The following MNAT1 variants were observed in gnomAD, a reference collection of about 807,000 sequenced individuals.
The protein encoded by MNAT1 is MNAT1 component of CDK activating kinase, also known as CDK-activating kinase assembly factor MAT1.
A neutral mutation model predicts 42.0 loss-of-function variants in MNAT1; 43 were observed. The ratio of observed to expected loss-of-function variants is 1.02; its 90% CI spans 0.80 to 1.32. MNAT1 has a LOEUF of 1.32. Among genes scored for constraint, MNAT1 ranks in the 40% most tolerant of loss-of-function variants. The pLI, the probability that MNAT1 is intolerant of heterozygous loss-of-function variation, is 0.00. For synonymous variants in MNAT1, 118 were observed against 120.0 expected (o/e 0.98, Z 0.11); for missense variants, 306 against 350.4 (o/e 0.87, Z 1.01).
At chr14:60,942,003 C>CAAAAAAAAAAAA (rs3080602) in intron 7 of MNAT1, among the ~76,000 whole-genome samples, 11 of 29,940 alleles carry the variant, frequency 3.7e-4, no homozygotes, top group African/African-American at 7.5e-4. Context: ...GGCTCCATCT[C>CAAAAAAAAAAAA]AAAAAAAAAA....
chr14:60,915,624 G>A, intron 7 of MNAT1, among the ~76,000 whole-genome samples: 1 of 152,158 alleles, frequency 6.6e-6, no homozygotes, highest in Non-Finnish European at 1.5e-5. Context: ...CCCAATGTAG[G>A]TGTTACTTCC....
At chr14:60,913,092 A>T (rs2035418667) in intron 7 of MNAT1, among the ~76,000 whole-genome samples, 1 of 152,074 alleles carries the variant, frequency 6.6e-6, no homozygotes, top group Non-Finnish European at 1.5e-5. Flanking sequence ...TCCACCGCTG[A>T]TACCCTTTCT....
intron 7 of MNAT1, among the ~76,000 whole-genome samples, chr14:60,890,843 C>T (rs144316816): frequency 3.7e-4 from 57 of 152,274 alleles, no homozygotes; most frequent in African/African-American, 1.3e-3. Flanking sequence ...CTGCCTCTCC[C>T]GGCTCACTGA....
At position 60,885,885 on chromosome 14, in the gene MNAT1, T is replaced by G. The variant is rs191501910; in HGVS notation, c.809+6050T>G. Among the ~76,000 whole-genome samples the G allele has an allele frequency of 3.9e-5, 6 of 152,156 alleles. No individual in the cohort carries two copies. The East Asian group carries it at 1.2e-3, about 29-fold the overall frequency. On this transcript the variant is annotated intron_variant, in intron 7 of 7. Coordinates refer to ENST00000261245, the MANE Select transcript of MNAT1 (RefSeq NM_002431.4). The stretch of plus-strand genomic sequence containing the variant: ...CTCACTATGTTTTCTCTTAAGAATT[T>G]TATGGTTTCAGGTTTTATTTTTAAG...
At chr14:60,804,408 A>G (rs2032302849) in intron 3 of MNAT1, among the ~76,000 whole-genome samples, 1 of 152,190 alleles carries the variant, frequency 6.6e-6, no homozygotes, top group East Asian at 1.9e-4. Flanking sequence ...AGAGACTTGT[A>G]TTATCTGATT....
In MNAT1 at chr14:60,766,383, C is replaced by A. The variant is rs570628786; in HGVS notation, c.90-29834C>A. On this transcript the variant is annotated intron_variant, in intron 1 of 7. Coordinates refer to ENST00000261245, the MANE Select transcript of MNAT1 (RefSeq NM_002431.4). ...GAAAAAAAAGAAATACAAATTACTCCCCCTTACTCCTTTTTTGGGTATTCG... is the reference window on the plus strand; with the variant it reads ...GAAAAAAAAGAAATACAAATTACTCACCCTTACTCCTTTTTTGGGTATTCG... Among the ~76,000 whole-genome samples, 4 of 151,010 alleles carry A rather than the reference C, an allele frequency of 2.6e-5. 1 individual carries two copies. The South Asian group carries it at 6.3e-4, about 24-fold the overall frequency.
At chr14:60,862,466 T>C (rs1236498992) in intron 6 of MNAT1, among the ~76,000 whole-genome samples, 1 of 152,188 alleles carries the variant, frequency 6.6e-6, no homozygotes, top group East Asian at 1.9e-4. Context: ...AGTTCCCCTT[T>C]TATAATAAAT....
intron 7 of MNAT1, among the ~76,000 whole-genome samples, chr14:60,913,875 A>T (rs2035448069): frequency 6.6e-6 from 1 of 152,130 alleles, no homozygotes; most frequent in South Asian, 2.1e-4. Flanking sequence ...GACATTTAAG[A>T]CTGCAGAGGT....
intron 7 of MNAT1, among the ~76,000 whole-genome samples, chr14:60,914,119 C>T (rs560662210): frequency 1.4e-4 from 22 of 152,310 alleles, no homozygotes; most frequent in East Asian, 1.2e-3. Flanking sequence ...TAGGACCCTC[C>T]GAGCCTGGTG....
intron 1 of MNAT1, among the ~76,000 whole-genome samples, chr14:60,741,144 CT>C (rs1166076117): frequency 6.6e-6 from 1 of 152,088 alleles, no homozygotes; most frequent in Admixed American, 6.5e-5. Flanking sequence ...AAGATTCTGT[CT>C]GATAATAATT....
chr14:60,874,742 A>C (rs182915616), intron 6 of MNAT1, among the ~76,000 whole-genome samples: 2 of 152,290 alleles, frequency 1.3e-5, no homozygotes, highest in East Asian at 3.9e-4. Context: ...AATTTAGAAT[A>C]ATATCTATCA....
intron 6 of MNAT1, among the ~76,000 whole-genome samples, chr14:60,856,461 G>A (rs1452307293): frequency 6.6e-6 from 1 of 152,138 alleles, no homozygotes; most frequent in Admixed American, 6.5e-5. Flanking sequence ...GGAATTTAAG[G>A]AAAGATGCCA....
chr14:60,952,448 G>T (rs766039600), intron 7 of MNAT1, among the ~76,000 whole-genome samples: 1 of 152,284 alleles, frequency 6.6e-6, no homozygotes, highest in South Asian at 2.1e-4. Context: ...ATTCACATTA[G>T]TCTGTGAAAG....
At chr14:60,805,220 TTTC>T (rs2032330053) in intron 3 of MNAT1, among the ~76,000 whole-genome samples, 1 of 151,602 alleles carries the variant, frequency 6.6e-6, no homozygotes, top group Admixed American at 6.6e-5. Flanking sequence ...TTTTTTCTTT[TTTC>T]TTTTTTTTTA....
intron 6 of MNAT1, among the ~76,000 whole-genome samples, chr14:60,820,291 A>G (rs1160760449): frequency 6.6e-6 from 1 of 152,104 alleles, no homozygotes; most frequent in Non-Finnish European, 1.5e-5. Context: ...GCCTCAAAAC[A>G]TTATCAAAGT....
chr14:60,766,606 G>A (rs2030833762), intron 1 of MNAT1, among the ~76,000 whole-genome samples: 1 of 151,830 alleles, frequency 6.6e-6, no homozygotes, highest in Non-Finnish European at 1.5e-5. Context: ...CAGCTACTCG[G>A]GAGGCTGAGG....
At chr14:60,907,856 T>C in intron 7 of MNAT1, among the ~76,000 whole-genome samples, 1 of 152,066 alleles carries the variant, frequency 6.6e-6, no homozygotes, top group East Asian at 1.9e-4. Context: ...TATTGCACTT[T>C]CTAGAATTAA....
At chr14:60,956,327 A>G (rs1167707659) in intron 7 of MNAT1, among the ~76,000 whole-genome samples, 7 of 152,086 alleles carry the variant, frequency 4.6e-5, no homozygotes, top group Admixed American at 3.3e-4. Context: ...TTCTTCTGTT[A>G]CTGATTTCTA....
At chr14:60,754,850 C>A (rs1195862284) in intron 1 of MNAT1, among the ~76,000 whole-genome samples, 1 of 152,104 alleles carries the variant, frequency 6.6e-6, no homozygotes, top group African/African-American at 2.4e-5. Context: ...AGCTTCCTGT[C>A]ATTGACTAAG....
Sources: gnomAD v4.1 joint callset for allele counts (sites outside exome capture counted in the v4.1 genomes callset) on GRCh38, gnomAD v4.1.1 for gene constraint, MANE v1.5 for transcripts, NCBI Gene and HGNC (gene_info 2026-07-23, HGNC 2026-07-21) for gene names.